DYNC2H1: variants seen among roughly 807,000 people sequenced by gnomAD.
The protein encoded by DYNC2H1 is dynein cytoplasmic 2 heavy chain 1, also known as cytoplasmic dynein 2 heavy chain 1.
Under a neutral mutation model 570.0 loss-of-function variants are expected in DYNC2H1, and 410 were observed. The observed-to-expected ratio is 0.72, with a 90% CI of 0.66 to 0.78. The LOEUF is 0.78. Ranked by LOEUF, DYNC2H1 falls within the 30% of genes least tolerant of loss-of-function variation. DYNC2H1 has a pLI of 0.00. For missense variants in DYNC2H1, 4,865 were observed against 5,046.4 expected (o/e 0.96, Z 1.09); for synonymous variants, 1,688 against 1,677.6 (o/e 1.01, Z -0.15).
chr11:103,403,247 T>A (rs534869886), intron 84 of DYNC2H1: 1 of 152,152 alleles, frequency 6.6e-6, no homozygotes, highest in Admixed American at 6.6e-5. Context: ...AAGAGGTGAA[T>A]AAATTTTCAT....
rs980046701 is a variant in DYNC2H1, at chr11:103,199,944, A to G, written c.8089-102A>G. 3 of 716,906 alleles carry G rather than the reference A, an allele frequency of 4.2e-6. No homozygotes were observed. The highest frequency in any genetic ancestry group is 3.7e-5 in the African/African-American group (2 of 53,470). The allele number at this position is 716,906 out of a possible 1,614,324, so 44.4% of individuals were successfully genotyped here. Reference sequence around the variant, plus strand: ...AAAATGGAAATAAATGAATAAATAAACACATGATACTGGCATACTTTACAT... The same window carrying G: ...AAAATGGAAATAAATGAATAAATAAGCACATGATACTGGCATACTTTACAT... On this transcript the variant is annotated intron_variant, in intron 49 of 88. Coordinates refer to ENST00000375735, the MANE Select transcript of DYNC2H1 (RefSeq NM_001377.3). This position sits in a 1 kb window ranked among gnomAD's most constrained non-coding sequence, Gnocchi z 4.6.
At chr11:103,120,856 TA>T (rs1446404374) in intron 8 of DYNC2H1, 54 bp downstream of exon 8, 1 of 1,144,514 alleles carries the variant, frequency 8.7e-7, no homozygotes, top group African/African-American at 1.6e-5. Flanking sequence ...AATATATATA[TA>T]AAAATATATA....
rs527654861 is a variant in DYNC2H1 at position 103,260,216 on chromosome 11, C to G, written c.10695+239C>G. ...GTTAGCTGACTTAGTTCTAAATATT[C>G]CAGTGGTCACCAAAAGAGATAATGA... On this transcript the variant is annotated intron_variant, in intron 70 of 88. Transcript: ENST00000375735. 2.0e-5 allele frequency among the ~76,000 whole-genome samples: 3 copies of G among 152,284 alleles called. No homozygotes were observed. The South Asian group carries it at 6.2e-4, about 32-fold the overall frequency.
Position 103,177,481 on chromosome 11 carries a change from T to C in DYNC2H1, c.5875-75T>C. 1 of 1,442,694 alleles carries C rather than the reference T, an allele frequency of 6.9e-7. No homozygotes were observed. The highest frequency in any genetic ancestry group is 1.4e-5 in the South Asian group (1 of 71,994). 89.4% of individuals were successfully genotyped at this position (1,442,694 alleles called of 1,614,324 possible). On this transcript the variant is annotated intron_variant, in intron 37 of 88. Transcript: ENST00000375735. The surrounding 1 kb of genome is among the most constrained non-coding windows in gnomAD (Gnocchi z 4.4). ...GGCTTAATTTACACATTAGAACAAG[T>C]GTTACAGAATAAAAGCAGAACTAAG...
At chr11:103,198,220 C>T (rs572828924) in intron 48 of DYNC2H1, among the ~76,000 whole-genome samples, 157 bp downstream of exon 48, 6 of 152,166 alleles carry the variant, frequency 3.9e-5, no homozygotes, top group East Asian at 3.9e-4. Context: ...GCGGATGTAA[C>T]GAGATGTGCC....
intron 65 of DYNC2H1, among the ~76,000 whole-genome samples, 179 bp from the exon 66 acceptor site, chr11:103,253,106 T>C (rs1266607285): frequency 6.6e-6 from 1 of 152,188 alleles, no homozygotes; most frequent in Non-Finnish European, 1.5e-5. Flanking sequence ...TATCATTGCT[T>C]GCATAAGTGC....
At position 103,203,779 on chromosome 11, in the gene DYNC2H1, A is replaced by G. The variant is rs977888640; in HGVS notation, c.8311+3A>G. 2 of 1,574,546 alleles carry G rather than the reference A, an allele frequency of 1.3e-6. No individual in the cohort carries two copies. The highest frequency in any genetic ancestry group is 3.5e-5 in the Admixed American group (2 of 57,292). On this transcript the variant is annotated splice_donor_region_variant and intron_variant, in intron 51 of 88. Transcript: ENST00000375735. This position sits in a 1 kb window ranked among gnomAD's most constrained non-coding sequence, Gnocchi z 4.7. ...AGTCTTCAATTACTTCACATATAGT[A>G]AGTGACATAGAATTCATTAATCAAA...
chr11:103,410,660 G>A (rs1409738370), intron 84 of DYNC2H1, among the ~76,000 whole-genome samples: 2 of 152,086 alleles, frequency 1.3e-5, no homozygotes, highest in African/African-American at 4.8e-5. Flanking sequence ...TAGCTGTCGT[G>A]TCTTCAGGAT....
intron 83 of DYNC2H1, among the ~76,000 whole-genome samples, chr11:103,366,207 T>G (rs1192489870): frequency 6.6e-6 from 1 of 152,208 alleles, no homozygotes; most frequent in Non-Finnish European, 1.5e-5. Flanking sequence ...CACTTTTCAT[T>G]GCTAATACAG....
At chr11:103,182,460 T>A (rs974830861) in intron 40 of DYNC2H1, among the ~76,000 whole-genome samples, 1 of 151,924 alleles carries the variant, frequency 6.6e-6, no homozygotes, top group African/African-American at 2.4e-5. Flanking sequence ...ATGTGAAGCA[T>A]AATACAAGAG....
At position 103,243,925 on chromosome 11, in the gene DYNC2H1, T is replaced by C. The variant is rs978771479; in HGVS notation, c.9918+134T>C. ...TGGGACCTTGGGCGAGAGATATAAC[T>C]CTTAGCTTCAGTTTTCTAATTTGTA... On this transcript the variant is annotated intron_variant, in intron 64 of 88. Transcript: ENST00000375735. This position sits in a 1 kb window ranked among gnomAD's most constrained non-coding sequence, Gnocchi z 4.8. The C allele has an allele frequency of 7.9e-6, 4 of 507,248 alleles. No individual in the cohort carries two copies. The highest frequency in any genetic ancestry group is 5.9e-5 in the African/African-American group (3 of 50,622). The allele number at this position is 507,248 out of a possible 1,614,324, so 31.4% of individuals were successfully genotyped here. A position where few individuals can be genotyped will look rare whatever the true frequency, so the allele number is the denominator to read the frequency against.
chr11:103,429,211 T>C (rs182321695), intron 84 of DYNC2H1, among the ~76,000 whole-genome samples: 106 of 151,882 alleles, frequency 7.0e-4, no homozygotes, highest in Admixed American at 4.9e-3. Context: ...CAGTGAGCCA[T>C]GATCATGCCA....
In DYNC2H1 at chr11:103,236,515, A is replaced by C; in HGVS notation, c.9795A>C (p.Ile3265=). 1 of 1,599,294 alleles carries C rather than the reference A, an allele frequency of 6.3e-7. No individual in the cohort carries two copies. The highest frequency in any genetic ancestry group is 8.6e-7 in the Non-Finnish European group (1 of 1,168,884). ...GCCTACCATCAGATGACCTTTCCAT[A>C]GAAAATGCTCTTGTAATATTACAGG... is the stretch of plus-strand genomic sequence containing the variant. ...SEGLPSDDLS[I]ENALVILQSR... The change falls in exon 63 of 89, where the codon ATA becomes ATC. Residue 3265 remains isoleucine (I), a synonymous_variant. Coordinates refer to ENST00000375735, the MANE Select transcript of DYNC2H1 (RefSeq NM_001377.3).
chr11:103,179,119 T>C lies in DYNC2H1; in HGVS notation c.6233T>C (p.Met2078Thr), dbSNP rs1861747214. The change falls in exon 39 of 89, where the codon ATG becomes ACG. Residue 2078 changes from methionine (M) to threonine (T), a missense_variant. Physicochemically the swap from Met to Thr is moderately conservative, Grantham distance 81 (BLOSUM62 -1). Coordinates refer to ENST00000375735, the MANE Select transcript of DYNC2H1 (RefSeq NM_001377.3). ...CTGGATGATAATCGACTGCTGACTA[T>C]GCCCAGTGGAGAAAGGATTCAGTTT... Reference protein sequence around the residue: ...SVLDDNRLLTMPSGERIQFGP... With the variant: ...SVLDDNRLLTTPSGERIQFGP... The C allele has an allele frequency of 3.1e-6, 5 of 1,613,148 alleles. No individual in the cohort carries two copies. Among genetic ancestry groups the C allele is most frequent in the African/African-American group, 1.3e-5 (1 of 74,890 alleles).
chr11:103,338,227 CTA>C (rs775379927), intron 82 of DYNC2H1, among the ~76,000 whole-genome samples: 67 of 152,176 alleles, frequency 4.4e-4, no homozygotes, highest in Non-Finnish European at 6.6e-4. Flanking sequence ...TTTCATTGCT[CTA>C]TGTGTCTGTT....
At chr11:103,440,742 C>T (rs186364025) in intron 85 of DYNC2H1, among the ~76,000 whole-genome samples, 1 of 152,238 alleles carries the variant, frequency 6.6e-6, no homozygotes, top group East Asian at 1.9e-4. Flanking sequence ...CCCCTGTTCC[C>T]CAGCGGGTAG....
intron 83 of DYNC2H1, among the ~76,000 whole-genome samples, chr11:103,360,144 A>G (rs1233086065): frequency 2.0e-5 from 3 of 152,134 alleles, no homozygotes; most frequent in Non-Finnish European, 2.9e-5. Flanking sequence ...ATTATAGAAT[A>G]TGTTGCTCAA....
intron 75 of DYNC2H1, among the ~76,000 whole-genome samples, chr11:103,298,116 A>G (rs941167573): frequency 3.3e-5 from 5 of 152,090 alleles, no homozygotes; most frequent in African/African-American, 1.2e-4. Flanking sequence ...CTTCTTCAGA[A>G]TCCTTATAAT....
At chr11:103,236,282 T>C (rs1483558269) in intron 62 of DYNC2H1, 148 bp from the exon 63 acceptor site, 4 of 561,562 alleles carry the variant, frequency 7.1e-6, no homozygotes, top group Non-Finnish European at 9.5e-6. Context: ...GACTTTTTTC[T>C]CCGTGGGTTT....
Sources: allele counts gnomAD v4.1 joint callset (sites outside exome capture counted in the v4.1 genomes callset), GRCh38; gene constraint gnomAD v4.1.1; non-coding constraint Gnocchi (gnomAD v3.1); transcripts MANE v1.5; gene names NCBI Gene and HGNC (gene_info 2026-07-23, HGNC 2026-07-21).